The following CDC37L1 variants were observed in gnomAD, a reference collection of about 807,000 sequenced individuals.
The protein encoded by CDC37L1 is hsp90 co-chaperone Cdc37-like 1.
Under a neutral mutation model 45.9 loss-of-function variants are expected in CDC37L1, and 32 were observed. The ratio of observed to expected loss-of-function variants is 0.70; its 90% CI spans 0.53 to 0.94. CDC37L1 has a LOEUF of 0.94. CDC37L1 is among the 40% of genes least tolerant of loss of function. The pLI is 0.00. For missense variants in CDC37L1, 434 were observed against 405.7 expected, an observed-to-expected ratio of 1.07 and a Z score of -0.60; for synonymous variants, 150 against 133.0, an observed-to-expected ratio of 1.13 and a Z score of -0.88.
In CDC37L1 at chr9:4,687,934, CA is replaced by C. The variant is rs1451145014; in HGVS notation, c.415-574del. On this transcript the variant is annotated intron_variant, in intron 2 of 6. Coordinates refer to ENST00000381854, the MANE Select transcript of CDC37L1 (RefSeq NM_017913.4). ...CTTTTAATTGGGAAATTCAGCTTAC[CA>C]AAAAGGTTAATTCAGTTGTTTTTCT... Among the ~76,000 whole-genome samples the C allele has an allele frequency of 5.3e-5, 8 of 152,122 alleles. No individual in the cohort carries two copies. In the East Asian group the frequency reaches 1.5e-3, roughly 29 times the overall value.
At chr9:4,700,025 T>G (rs1841382795) in intron 5 of CDC37L1, among the ~76,000 whole-genome samples, 1 of 152,172 alleles carries the variant, frequency 6.6e-6, no homozygotes, top group Non-Finnish European at 1.5e-5. Flanking sequence ...AATGTGGCAG[T>G]AGTCCTAACT....
intron 2 of CDC37L1, among the ~76,000 whole-genome samples, chr9:4,686,833 C>G (rs1268893062): frequency 6.6e-6 from 1 of 152,148 alleles, no homozygotes; most frequent in Non-Finnish European, 1.5e-5. Flanking sequence ...TGTGGCTAGT[C>G]CGAATTGAGA....
At chr9:4,705,372 G>A (rs1247335983) in intron 6 of CDC37L1, among the ~76,000 whole-genome samples, 1 of 152,064 alleles carries the variant, frequency 6.6e-6, no homozygotes, top group Admixed American at 6.5e-5. Flanking sequence ...TATTGAGTAA[G>A]ATTTTATGTT....
At chr9:4,696,213 AAATATAT>A (rs1346839107) in intron 3 of CDC37L1, among the ~76,000 whole-genome samples, 1 of 152,210 alleles carries the variant, frequency 6.6e-6, no homozygotes, top group East Asian at 1.9e-4. Context: ...ATGTGGAATT[AAATATAT>A]AGGAGTTCAT....
chr9:4,690,722 A>G (rs886703303), intron 3 of CDC37L1, among the ~76,000 whole-genome samples: 3 of 152,214 alleles, frequency 2.0e-5, no homozygotes, highest in Admixed American at 6.5e-5. Context: ...AGCCAGACCA[A>G]TAGCCATTCC....
chr9:4,692,511 C>T (rs1841310741), intron 3 of CDC37L1, among the ~76,000 whole-genome samples: 1 of 152,116 alleles, frequency 6.6e-6, no homozygotes. Flanking sequence ...CTCAAATGAT[C>T]CGCCCGCCTC....
intron 3 of CDC37L1, 83 bp downstream of exon 3, chr9:4,688,689 G>T: frequency 1.1e-6 from 1 of 898,118 alleles, no homozygotes; most frequent in Non-Finnish European, 1.6e-6. Flanking sequence ...TAAAAAGAGA[G>T]CCAAAAAGAA....
intron 1 of CDC37L1, among the ~76,000 whole-genome samples, chr9:4,682,397 G>T (rs554310852): frequency 1.3e-5 from 2 of 149,104 alleles, no homozygotes; most frequent in Admixed American, 6.7e-5. Context: ...TGCAATCTCG[G>T]CTCACTGCAA....
chr9:4,694,340 A>G (rs967598455), intron 3 of CDC37L1, among the ~76,000 whole-genome samples: 1 of 152,042 alleles, frequency 6.6e-6, no homozygotes, highest in African/African-American at 2.4e-5. Flanking sequence ...TTGGCCTCCC[A>G]AAATGCTGGG....
In CDC37L1 at chr9:4,679,976, C is replaced by T. The variant is rs571183194; in HGVS notation, c.132+77C>T. The T allele has an allele frequency of 2.6e-6, 4 of 1,555,482 alleles. No individual in the cohort carries two copies. The East Asian group carries it at 6.9e-5, about 27-fold the overall frequency. On this transcript the variant is annotated intron_variant, in intron 1 of 6. Transcript: ENST00000381854. ...CCCCTGGAATGCCGCGTCTCCCAGA[C>T]CCTCTTCTACGCCTTTTTCTACGCC...
intron 2 of CDC37L1, among the ~76,000 whole-genome samples, chr9:4,685,900 C>T (rs1841242326): frequency 2.0e-5 from 3 of 152,158 alleles, no homozygotes; most frequent in East Asian, 3.8e-4. Context: ...TAGTTGTCCA[C>T]ACCTGTAATC....
At chr9:4,689,818 T>A (rs10974732) in intron 3 of CDC37L1, among the ~76,000 whole-genome samples, 14,580 of 152,228 alleles carry the variant, frequency 0.096, 1,136 homozygotes, top group East Asian at 0.37. Flanking sequence ...AGTCCTTGCT[T>A]TCTAGGCCCA....
At chr9:4,696,766 T>C (rs1841351455) in intron 3 of CDC37L1, among the ~76,000 whole-genome samples, 1 of 152,254 alleles carries the variant, frequency 6.6e-6, no homozygotes, top group African/African-American at 2.4e-5. Flanking sequence ...CTTACATAAC[T>C]AACTCTCAAT....
chr9:4,694,364 G>C lies in CDC37L1; in HGVS notation c.509-2732G>C, dbSNP rs1302713891. ...CAAAATGCTGGGATTACAGGTGTGAGCTACTGCGCCCCACCTGTCTTTATT... is the reference window on the plus strand; with the variant it reads ...CAAAATGCTGGGATTACAGGTGTGACCTACTGCGCCCCACCTGTCTTTATT... On this transcript the variant is annotated intron_variant, in intron 3 of 6. Transcript: ENST00000381854. Among the ~76,000 whole-genome samples the C allele has an allele frequency of 3.3e-5, 5 of 151,720 alleles. No homozygotes were observed. In the East Asian group the frequency reaches 7.8e-4, roughly 24 times the overall value.
intron 6 of CDC37L1, chr9:4,703,287 GA>G (rs1841416503): frequency 5.1e-6 from 2 of 391,032 alleles, no homozygotes; most frequent in Non-Finnish European, 8.5e-6. Flanking sequence ...GTCCTTTAAG[GA>G]AAGTGATTGA....
chr9:4,685,026 C>G lies in CDC37L1; in HGVS notation c.282C>G (p.Ala94=), dbSNP rs1267060330. 3.1e-6 allele frequency: 5 copies of G among 1,613,774 alleles called. No homozygotes were observed. Among genetic ancestry groups the G allele is most frequent in the East Asian group, 2.2e-5 (1 of 44,890 alleles). The change falls in exon 2 of 7, where the codon GCC becomes GCG. Residue 94 remains alanine (A), a synonymous_variant. Transcript: ENST00000381854. ...HNSESLDQEH[A]KAQTAVSELR... is the part of the protein sequence containing the mutation. ...CTGAGTCCTTGGATCAGGAGCATGC[C>G]AAAGCACAAACAGCAGTATCAGAAC...
rs1841439289 is a variant in CDC37L1 at position 4,706,093 on chromosome 9, A to G, written c.995A>G (p.Lys332Arg). Residue 332 changes from lysine to arginine, a missense_variant, in exon 7 of 7, where the codon AAA becomes AGA. Transcript: ENST00000381854. ...GTACATAAAGAAGATGATGAACCCA[A>G]AATGATGGACACTGTATAATTTGGT... is the stretch of plus-strand genomic sequence containing the variant. ...SVVHKEDDEP[K>R]MMDTV 3 of 1,583,046 alleles carry G rather than the reference A, an allele frequency of 1.9e-6. No individual in the cohort carries two copies. The highest frequency in any genetic ancestry group is 1.1e-5 in the South Asian group (1 of 90,378).
rs1363798161 is a variant in CDC37L1 at position 4,706,252 on chromosome 9, G to A, written c.*140G>A. On this transcript the variant is annotated 3_prime_UTR_variant, in exon 7 of 7. Transcript: ENST00000381854. ...GAGGGAAAGAGTACTGAAATGTTTT[G>A]TAAATTTTTTTTAATGTGCTGCTAG... is the stretch of plus-strand genomic sequence containing the variant. The A allele has an allele frequency of 6.5e-6, 3 of 463,696 alleles. No homozygotes were observed. The highest frequency in any genetic ancestry group is 1.2e-5 in the Non-Finnish European group (3 of 251,308). The allele number at this position is 463,696 out of a possible 1,614,324, so 28.7% of individuals were successfully genotyped here.
intron 3 of CDC37L1, among the ~76,000 whole-genome samples, chr9:4,692,529 C>CT (rs1342087969): frequency 6.6e-6 from 1 of 152,144 alleles, no homozygotes; most frequent in African/African-American, 2.4e-5. Context: ...CTCGGCCTCT[C>CT]AAAGTGCTGG....
Sources: allele counts gnomAD v4.1 joint callset (sites outside exome capture counted in the v4.1 genomes callset), GRCh38; gene constraint gnomAD v4.1.1; transcripts MANE v1.5; gene names NCBI Gene and HGNC (gene_info 2026-07-23, HGNC 2026-07-21).